The following SERPINA6 variants were observed in gnomAD, a reference collection of about 807,000 sequenced individuals.
SERPINA6 encodes the protein serpin family A member 6.
Under a neutral mutation model 26.4 loss-of-function variants are expected in SERPINA6, and 19 were observed. The observed-to-expected ratio is 0.72, with a 90% CI of 0.50 to 1.06. SERPINA6 has a LOEUF of 1.06. SERPINA6 is among the 50% of genes least tolerant of loss of function. The pLI is 0.00. For missense variants in SERPINA6, 473 were observed against 504.0 expected, an observed-to-expected ratio of 0.94 and a Z score of 0.59; for synonymous variants, 196 against 199.4, an observed-to-expected ratio of 0.98 and a Z score of 0.14.
rs778454500 is a variant in SERPINA6, at chr14:94,314,055, G to A, written c.594C>T (p.Val198=). The A allele has an allele frequency of 3.7e-6, 6 of 1,614,010 alleles. No homozygotes were observed. The highest frequency in any genetic ancestry group is 3.3e-5 in the Admixed American group (2 of 60,000). The change falls in exon 2 of 5, where the codon GTC becomes GTT. Residue 198 remains valine, a synonymous_variant. Transcript: ENST00000341584. ...GAATACCTTTGAAGAAGATATAGTT[G>A]ACCAGGACGAGGATGGCTGGGCTAT... is the stretch of plus-strand genomic sequence containing the variant. The part of the protein sequence containing the change: ...GLDSPAILVL[V]NYIFFKGTWT...
chr14:94,312,432 T>G (rs1282493121), intron 2 of SERPINA6, among the ~76,000 whole-genome samples: 2 of 151,794 alleles, frequency 1.3e-5, no homozygotes, highest in African/African-American at 2.4e-5. Flanking sequence ...GTGCAACCAC[T>G]GCTGAGCTTG....
chr14:94,312,813 G>C (rs1432948339), intron 2 of SERPINA6, among the ~76,000 whole-genome samples: 1 of 151,996 alleles, frequency 6.6e-6, no homozygotes, highest in Non-Finnish European at 1.5e-5. Context: ...GGCACAGTCT[G>C]ATGGGAGGTC....
chr14:94,316,444 A>G (rs143735223), intron 1 of SERPINA6, among the ~76,000 whole-genome samples: 2 of 152,328 alleles, frequency 1.3e-5, no homozygotes, highest in East Asian at 1.9e-4. Flanking sequence ...TCCATTATTG[A>G]GAATGAGATA....
At chr14:94,311,048 C>T (rs1895522307) in intron 2 of SERPINA6, among the ~76,000 whole-genome samples, 1 of 152,224 alleles carries the variant, frequency 6.6e-6, no homozygotes, top group Admixed American at 6.5e-5. Flanking sequence ...TCTAAGCCAG[C>T]CACAAACCTT....
At chr14:94,313,959 G>C in intron 2 of SERPINA6, 77 bp downstream of exon 2, 1 of 1,517,548 alleles carries the variant, frequency 6.6e-7, no homozygotes, top group South Asian at 1.1e-5. Flanking sequence ...CTTTGCCCAA[G>C]AGTGTGCCCT....
chr14:94,317,779 C>T (rs1426348078), intron 1 of SERPINA6, among the ~76,000 whole-genome samples: 4 of 152,218 alleles, frequency 2.6e-5, no homozygotes, highest in East Asian at 1.9e-4. Flanking sequence ...AGCTTTTCCC[C>T]GAAGATCAGG....
chr14:94,314,923 A>G, intron 1 of SERPINA6: 1 of 562,030 alleles, frequency 1.8e-6, no homozygotes, highest in Non-Finnish European at 3.2e-6. Flanking sequence ...ATATTCAGTC[A>G]TCTAACCATT....
At chr14:94,305,486 C>T (rs560233645) in intron 4 of SERPINA6, among the ~76,000 whole-genome samples, 3 of 152,168 alleles carry the variant, frequency 2.0e-5, no homozygotes, top group Non-Finnish European at 2.9e-5. Flanking sequence ...TCACACAGCA[C>T]GCATTTTACT....
In SERPINA6 at chr14:94,314,022, A is replaced by T. The variant is rs200697598; in HGVS notation, c.613+14T>A. The stretch of plus-strand genomic sequence containing the variant: ...ATAGTGGATGGGCCTTCAGATGGGG[A>T]TGGGTGGGAATACCTTTGAAGAAGA... On this transcript the variant is annotated intron_variant, in intron 2 of 4. Coordinates refer to ENST00000341584, the MANE Select transcript of SERPINA6 (RefSeq NM_001756.4). 305 of 1,613,890 alleles carry T rather than the reference A, an allele frequency of 1.9e-4. 1 individual carries two copies. Among genetic ancestry groups the T allele is most frequent in the Admixed American group, 1.0e-3 (63 of 60,000 alleles).
intron 1 of SERPINA6, among the ~76,000 whole-genome samples, chr14:94,322,968 G>T (rs563721063): frequency 6.6e-6 from 1 of 152,302 alleles, no homozygotes; most frequent in South Asian, 2.1e-4. Flanking sequence ...TATCTGGCTG[G>T]GCTTAGGAGC....
intron 1 of SERPINA6, 126 bp from the exon 2 acceptor site, chr14:94,314,793 C>G (rs1166770304): frequency 5.9e-6 from 5 of 847,902 alleles, no homozygotes; most frequent in Non-Finnish European, 9.7e-6. Context: ...GGCTGTGTGA[C>G]CTGGAGCACA....
rs1358081682 is a variant in SERPINA6, at chr14:94,309,990, G to T, written c.630C>A (p.Pro210=). The T allele has an allele frequency of 6.2e-7, 1 of 1,614,136 alleles. No homozygotes were observed. The highest frequency in any genetic ancestry group is 2.2e-5 in the East Asian group (1 of 44,866). The change falls in exon 3 of 5, where the codon CCC becomes CCA. Residue 210 remains proline (P), a synonymous_variant. Transcript: ENST00000341584. The part of the protein sequence containing the change: ...YIFFKGTWTQ[P]FDLASTREEN... ...CCTCCCTGGTGCTTGCCAGGTCAAA[G>T]GGCTGTGTCCATGTGCCTAGGAAGA...
At chr14:94,306,248 A>T in intron 3 of SERPINA6, 30 bp from the exon 4 acceptor site, 1 of 1,613,808 alleles carries the variant, frequency 6.2e-7, no homozygotes, top group Non-Finnish European at 8.5e-7. Context: ...AGAGTTAGAC[A>T]TTCCAGGGCT....
intron 1 of SERPINA6, 55 bp from the exon 2 acceptor site, chr14:94,314,722 C>T (rs539757007): frequency 1.9e-5 from 29 of 1,554,636 alleles, no homozygotes; most frequent in African/African-American, 1.8e-4. Context: ...GTCAATGGGG[C>T]GTAGTGCAAG....
chr14:94,321,830 A>C (rs1284176117), intron 1 of SERPINA6, among the ~76,000 whole-genome samples: 2 of 152,190 alleles, frequency 1.3e-5, no homozygotes, highest in African/African-American at 4.8e-5. Flanking sequence ...GGTCACTGCC[A>C]TACCTATCTG....
chr14:94,311,364 T>C (rs1358836545), intron 2 of SERPINA6, among the ~76,000 whole-genome samples: 1 of 152,250 alleles, frequency 6.6e-6, no homozygotes, highest in Non-Finnish European at 1.5e-5. Context: ...ATATTTTTCA[T>C]TGTTAGGTTT....
intron 2 of SERPINA6, among the ~76,000 whole-genome samples, chr14:94,312,767 C>T (rs1895550221): frequency 6.6e-6 from 1 of 151,840 alleles, no homozygotes; most frequent in Non-Finnish European, 1.5e-5. Context: ...TAAGGCAGTC[C>T]AGGCAGTAAG....
In SERPINA6 at chr14:94,314,026, G is replaced by GT. The variant is rs769239038; in HGVS notation, c.613+9dup. 57 of 1,613,990 alleles carry GT rather than the reference G, an allele frequency of 3.5e-5. No individual in the cohort carries two copies. The highest frequency in any genetic ancestry group is 1.6e-4 in the Middle Eastern group (1 of 6,084). On this transcript the variant is annotated intron_variant, in intron 2 of 4. Transcript: ENST00000341584. The stretch of plus-strand genomic sequence containing the variant: ...TGGATGGGCCTTCAGATGGGGATGG[G>GT]TGGGAATACCTTTGAAGAAGATATA...
intron 2 of SERPINA6, among the ~76,000 whole-genome samples, chr14:94,311,942 C>G (rs1056657180): frequency 6.6e-6 from 1 of 151,534 alleles, no homozygotes; most frequent in African/African-American, 2.4e-5. Flanking sequence ...AGCAAGACTC[C>G]GTCTCAAAAA....
Sources: gnomAD v4.1 joint callset for allele counts (sites outside exome capture counted in the v4.1 genomes callset) on GRCh38, gnomAD v4.1.1 for gene constraint, MANE v1.5 for transcripts, NCBI Gene and HGNC (gene_info 2026-07-23, HGNC 2026-07-21) for gene names.